The following ZSCAN1 variants were observed in gnomAD, a reference collection of about 807,000 sequenced individuals.
The protein encoded by ZSCAN1 is zinc finger and SCAN domain containing 1, also known as zinc finger and SCAN domain-containing protein 1.
ZSCAN1 carries 23 observed loss-of-function variants against 23.8 expected under a neutral mutation model. That is an observed-to-expected ratio of 0.97 (90% CI 0.70 to 1.37). The LOEUF is 1.37. ZSCAN1 is among the 40% of genes most tolerant of loss of function. ZSCAN1 has a pLI of 0.00. For synonymous variants in ZSCAN1, 236 were observed against 232.3 expected, an observed-to-expected ratio of 1.02 and a Z score of -0.15; for missense variants, 575 against 554.0, an observed-to-expected ratio of 1.04 and a Z score of -0.38.
chr19:58,056,334 A>G (rs538632859), downstream of ZSCAN1, among the ~76,000 whole-genome samples: 1 of 152,282 alleles, frequency 6.6e-6, no homozygotes, highest in East Asian at 1.9e-4. Context: ...ACCTGACTCC[A>G]CACTGCCTCT....
chr19:58,047,770 C>T lies in ZSCAN1; in HGVS notation c.466-4720C>T, dbSNP rs149763449. Among the ~76,000 whole-genome samples the T allele has an allele frequency of 5.3e-5, 8 of 152,306 alleles. No individual in the cohort carries two copies. The highest frequency in any genetic ancestry group is 2.1e-4 in the South Asian group (1 of 4,824). On this transcript the variant is annotated intron_variant, in intron 4 of 5. Transcript: ENST00000282326. This position sits in a 1 kb window ranked among gnomAD's most constrained non-coding sequence, Gnocchi z 4.9. Reference sequence around the variant, plus strand: ...CAGGCTGGTCACCGAGGCACGAAGACGAGGCACAGGGCATCCCCTGGGGCT... The same window carrying T: ...CAGGCTGGTCACCGAGGCACGAAGATGAGGCACAGGGCATCCCCTGGGGCT...
downstream of ZSCAN1, chr19:58,054,779 G>C (rs2123448876): frequency 6.6e-6 from 1 of 152,280 alleles, no homozygotes; most frequent in Non-Finnish European, 1.5e-5. The surrounding 1 kb of genome is among the most constrained non-coding windows in gnomAD (Gnocchi z 4.2). Flanking sequence ...TCCTGTCTCT[G>C]AGGATTTCAG....
rs1281687758 is a variant in ZSCAN1, at chr19:58,053,533, A to G, written c.709A>G (p.Ser237Gly). The G allele has an allele frequency of 1.9e-6, 3 of 1,613,982 alleles. No individual in the cohort carries two copies. The African/African-American group carries it at 4.0e-5, about 22-fold the overall frequency. Reference sequence around the variant, plus strand: ...GCGGGCAGAAGGGACTGTGATCTCGAGCCCCAAGGGTCCAAGTGCTCAGAG... The same window carrying G: ...GCGGGCAGAAGGGACTGTGATCTCGGGCCCCAAGGGTCCAAGTGCTCAGAG... ...DLRAEGTVISSPKGPSAQRIS... is the reference protein window; with the variant it reads ...DLRAEGTVISGPKGPSAQRIS... Residue 237 changes from serine to glycine, a missense_variant, in exon 6 of 6, where the codon AGC becomes GGC. Coordinates refer to ENST00000282326, the MANE Select transcript of ZSCAN1 (RefSeq NM_182572.4). The surrounding 1 kb of genome is among the most constrained non-coding windows in gnomAD (Gnocchi z 5.8).
intron 3 of ZSCAN1, among the ~76,000 whole-genome samples, chr19:58,039,627 C>T (rs953587228): frequency 3.3e-5 from 5 of 152,100 alleles, no homozygotes; most frequent in African/African-American, 9.6e-5. Context: ...ATTAGCCGGG[C>T]GTGGTGGCGC....
downstream of ZSCAN1, among the ~76,000 whole-genome samples, chr19:58,055,385 G>A (rs1018726738): frequency 4.6e-5 from 7 of 152,056 alleles, no homozygotes; most frequent in South Asian, 2.1e-4. Context: ...CCCCCTAACC[G>A]CGCCTCCGGA....
In ZSCAN1 at chr19:58,038,057, A is replaced by G. The variant is rs2073752877; in HGVS notation, c.221A>G (p.Lys74Arg). 1 of 1,611,886 alleles carries G rather than the reference A, an allele frequency of 6.2e-7. No individual in the cohort carries two copies. The highest frequency in any genetic ancestry group is 1.1e-5 in the South Asian group (1 of 91,064). The change falls in exon 3 of 6, where the codon AAG becomes AGG. Residue 74 changes from lysine to arginine, a missense_variant. By Grantham distance (26) the Lys-to-Arg change is conservative (BLOSUM62 2). Transcript: ENST00000282326. ...RQWLRPEARSKEQMLELLVLE... is the reference protein window; with the variant it reads ...RQWLRPEARSREQMLELLVLE... ...TGGCTGAGGCCCGAGGCGCGCTCCA[A>G]GGAGCAGATGCTGGAGCTGCTGGTG...
At chr19:58,036,640 C>T (rs958527224) in intron 2 of ZSCAN1, among the ~76,000 whole-genome samples, 5 of 151,680 alleles carry the variant, frequency 3.3e-5, no homozygotes, top group Non-Finnish European at 5.9e-5. Context: ...CTCAGCCTCC[C>T]GAGTAGCTGG....
In ZSCAN1 at chr19:58,053,762, C is replaced by A. The variant is rs1387810176; in HGVS notation, c.938C>A (p.Thr313Asn). The change falls in exon 6 of 6, where the codon ACC (threonine) becomes AAC (asparagine). Residue 313 changes from threonine to asparagine, a missense_variant. Coordinates refer to ENST00000282326, the MANE Select transcript of ZSCAN1 (RefSeq NM_182572.4). The surrounding 1 kb of genome is among the most constrained non-coding windows in gnomAD (Gnocchi z 5.8). ...ACCCACTTCATCGAGCACCAGAAGA[C>A]CCATCGCGAGGAAGGGCCCTTTCCG... ...WVTHFIEHQK[T>N]HREEGPFPCP... 1.9e-6 allele frequency: 3 copies of A among 1,613,892 alleles called. No homozygotes were observed. Among genetic ancestry groups the A allele is most frequent in the Non-Finnish European group, 1.7e-6 (2 of 1,180,024 alleles).
At position 58,038,220 on chromosome 19, in the gene ZSCAN1, G is replaced by C. The variant is rs551535668; in HGVS notation, c.370+14G>C. ...GCCAGCAGGAAGGTGAGAGGCGCAG[G>C]CTTCCTGCCCCGGGCCGGGCCAGGG... is the stretch of plus-strand genomic sequence containing the variant. On this transcript the variant is annotated intron_variant, in intron 3 of 5. Coordinates refer to ENST00000282326, the MANE Select transcript of ZSCAN1 (RefSeq NM_182572.4). The C allele has an allele frequency of 5.8e-5, 92 of 1,597,376 alleles. No homozygotes were observed. The East Asian group carries it at 1.9e-3, about 33-fold the overall frequency.
chr19:58,036,072 T>G (rs1242858262), intron 2 of ZSCAN1, 61 bp downstream of exon 2: 1 of 152,282 alleles, frequency 6.6e-6, no homozygotes, highest in African/African-American at 2.4e-5. Context: ...ACTCCCTTTC[T>G]ATGACACTCA....
intron 1 of ZSCAN1, among the ~76,000 whole-genome samples, chr19:58,035,707 G>A (rs539556436): frequency 6.6e-6 from 1 of 152,342 alleles, no homozygotes; most frequent in African/African-American, 2.4e-5. Context: ...CAGGGTGCAG[G>A]TGGCCGGGTA....
intron 4 of ZSCAN1, among the ~76,000 whole-genome samples, chr19:58,042,115 A>AT (rs1208706491): frequency 3.9e-5 from 6 of 151,996 alleles, no homozygotes; most frequent in Non-Finnish European, 8.8e-5. Context: ...AGCTAAGAAC[A>AT]TAAAGTACAT....
chr19:58,035,102 TCACA>T (rs1040855438), intron 1 of ZSCAN1, among the ~76,000 whole-genome samples: 2 of 151,826 alleles, frequency 1.3e-5, no homozygotes, highest in African/African-American at 4.8e-5. Context: ...TGACACTCTC[TCACA>T]CACACACATC....
At chr19:58,036,187 T>C (rs2073734411) in intron 2 of ZSCAN1, among the ~76,000 whole-genome samples, 176 bp downstream of exon 2, 1 of 152,208 alleles carries the variant, frequency 6.6e-6, no homozygotes, top group Non-Finnish European at 1.5e-5. Flanking sequence ...CACGGTTGAA[T>C]ACTCCCATCA....
chr19:58,040,809 C>T lies in ZSCAN1; in HGVS notation c.465+265C>T, dbSNP rs543941255. On this transcript the variant is annotated intron_variant, in intron 4 of 5. Transcript: ENST00000282326. This position sits in a 1 kb window ranked among gnomAD's most constrained non-coding sequence, Gnocchi z 5.8. Reference sequence around the variant, plus strand: ...AGCCCCTCCTGTCCTTTCCCAGCCTCGCAGTTAAGACCCATCCTCCTGTGT... The same window carrying T: ...AGCCCCTCCTGTCCTTTCCCAGCCTTGCAGTTAAGACCCATCCTCCTGTGT... Among the ~76,000 whole-genome samples, 2 of 152,220 alleles carry T rather than the reference C, an allele frequency of 1.3e-5. No homozygotes were observed. The highest frequency in any genetic ancestry group is 2.9e-5 in the Non-Finnish European group (2 of 68,040).
intron 3 of ZSCAN1, 23 bp downstream of exon 3, chr19:58,038,229 C>T (rs753151000): frequency 6.3e-7 from 1 of 1,585,020 alleles, no homozygotes; most frequent in Non-Finnish European, 8.5e-7. Flanking sequence ...GGCTTCCTGC[C>T]CCGGGCCGGG....
chr19:58,043,713 G>C (rs1308275062), intron 4 of ZSCAN1, among the ~76,000 whole-genome samples: 1 of 151,930 alleles, frequency 6.6e-6, no homozygotes, highest in African/African-American at 2.4e-5. Flanking sequence ...GCAGTGGCAC[G>C]ATCATGGCTC....
At position 58,041,394 on chromosome 19, in the gene ZSCAN1, G is replaced by A. The variant is rs1599902294; in HGVS notation, c.465+850G>A. Among the ~76,000 whole-genome samples the A allele has an allele frequency of 2.0e-5, 3 of 152,318 alleles. 1 individual carries two copies. The highest frequency in any genetic ancestry group is 2.0e-4 in the Admixed American group (3 of 15,300). Reference sequence around the variant, plus strand: ...AGCACACGCCTGAGCAGAACAAAGGGGCACACATTGGGAAACAGAGACCTC... The same window carrying A: ...AGCACACGCCTGAGCAGAACAAAGGAGCACACATTGGGAAACAGAGACCTC... On this transcript the variant is annotated intron_variant, in intron 4 of 5. Transcript: ENST00000282326.
rs565073393 is a variant in ZSCAN1 at position 58,045,887 on chromosome 19, C to G, written c.465+5343C>G. The G allele has an allele frequency of 3.0e-6, 3 of 1,012,958 alleles. No homozygotes were observed. The highest frequency in any genetic ancestry group is 2.1e-4 in the Middle Eastern group (1 of 4,858). 62.7% of individuals were successfully genotyped at this position (1,012,958 alleles called of 1,614,324 possible). A position where few individuals can be genotyped will look rare whatever the true frequency, so the allele number is the denominator to read the frequency against. On this transcript the variant is annotated intron_variant, in intron 4 of 5. Coordinates refer to ENST00000282326, the MANE Select transcript of ZSCAN1 (RefSeq NM_182572.4). The surrounding 1 kb of genome is among the most constrained non-coding windows in gnomAD (Gnocchi z 4.3). ...CTCAAGTCCACACTGCAGACTCTCC[C>G]AGAGATTGTGGCAAAGGAAGCACAG...
Sources: gnomAD v4.1 joint callset for allele counts (sites outside exome capture counted in the v4.1 genomes callset) on GRCh38, gnomAD v4.1.1 for gene constraint, Gnocchi (gnomAD v3.1) non-coding constraint, MANE v1.5 for transcripts, NCBI Gene and HGNC (gene_info 2026-07-23, HGNC 2026-07-21) for gene names.